Variants in SLX4IP observed in about 807,000 individuals in gnomAD.
SLX4IP encodes protein SLX4IP.
SLX4IP carries 34 observed loss-of-function variants against 32.9 expected under a neutral mutation model. The ratio of observed to expected loss-of-function variants is 1.03; its 90% CI spans 0.79 to 1.38. The LOEUF (loss-of-function observed/expected upper bound fraction) is 1.38, where lower values mean the gene tolerates loss of function less well. SLX4IP is among the 40% of genes most tolerant of loss of function. The pLI, the probability that SLX4IP is intolerant of heterozygous loss-of-function variation, is 0.00. For synonymous variants in SLX4IP, 172 were observed against 171.7 expected, an observed-to-expected ratio of 1.00 and a Z score of -0.01; for missense variants, 444 against 479.0, an observed-to-expected ratio of 0.93 and a Z score of 0.68.
At chr20:10,593,761 G>A (rs552880991) in intron 4 of SLX4IP, among the ~76,000 whole-genome samples, 2 of 152,100 alleles carry the variant, frequency 1.3e-5, no homozygotes, top group African/African-American at 4.8e-5. Context: ...GTAGAATGGG[G>A]TTGTTCTATA....
At position 10,592,823 on chromosome 20, in the gene SLX4IP, A is replaced by G. The variant is rs189629671; in HGVS notation, c.239-5852A>G. ...CTAATTTTTTTATTTTAGTAGAGACAGGGTTTCACCATGTGAGCCAGGATG... is the reference window on the plus strand; with the variant it reads ...CTAATTTTTTTATTTTAGTAGAGACGGGGTTTCACCATGTGAGCCAGGATG... On this transcript the variant is annotated intron_variant, in intron 4 of 7. Coordinates refer to ENST00000334534, the MANE Select transcript of SLX4IP (RefSeq NM_001009608.3). Among the ~76,000 whole-genome samples, 17 of 151,806 alleles carry G rather than the reference A, an allele frequency of 1.1e-4. No individual in the cohort carries two copies. The East Asian group carries it at 1.6e-3, about 14-fold the overall frequency.
At chr20:10,470,226 AT>A (rs1225764315) in intron 2 of SLX4IP, among the ~76,000 whole-genome samples, 2 of 152,048 alleles carry the variant, frequency 1.3e-5, no homozygotes, top group African/African-American at 4.8e-5. Flanking sequence ...CCTTTTTGTT[AT>A]TATTACTCTT....
chr20:10,451,056 TA>T, intron 1 of SLX4IP, among the ~76,000 whole-genome samples: 1 of 141,582 alleles, frequency 7.1e-6, no homozygotes, highest in Admixed American at 7.4e-5. Flanking sequence ...CCGGCAGGCC[TA>T]GTGTTTTTGT....
At chr20:10,463,899 G>T (rs960363074) in intron 2 of SLX4IP, among the ~76,000 whole-genome samples, 3 of 152,144 alleles carry the variant, frequency 2.0e-5, no homozygotes, top group African/African-American at 7.2e-5. Context: ...CTCCTGCATG[G>T]TTCAGCTTTG....
Position 10,448,344 on chromosome 20 carries a change from G to A in SLX4IP, c.-29-9832G>A, listed in dbSNP as rs112088646. ...AGGTTTAGAAATGGAATAGACTATA[G>A]TGGTCAACCTTTCCAACTCCACTGT... is the stretch of plus-strand genomic sequence containing the variant. On this transcript the variant is annotated intron_variant, in intron 1 of 7. Coordinates refer to ENST00000334534, the MANE Select transcript of SLX4IP (RefSeq NM_001009608.3). Among the ~76,000 whole-genome samples, 728 of 152,298 alleles carry A rather than the reference G, an allele frequency of 4.8e-3. 16 individuals are homozygous for A. In the South Asian group the frequency reaches 0.069, roughly 14 times the overall value.
chr20:10,439,808 A>G (rs2065145542), intron 1 of SLX4IP, among the ~76,000 whole-genome samples: 1 of 152,234 alleles, frequency 6.6e-6, no homozygotes, highest in Admixed American at 6.5e-5. Flanking sequence ...GAAGAAACCT[A>G]TTTATTAGGT....
At chr20:10,457,840 C>CTT (rs111482953) in intron 1 of SLX4IP, among the ~76,000 whole-genome samples, 5 of 145,360 alleles carry the variant, frequency 3.4e-5, no homozygotes, top group African/African-American at 1.0e-4. Flanking sequence ...GCTTTTCTCT[C>CTT]TTTTTTTTTT....
intron 2 of SLX4IP, among the ~76,000 whole-genome samples, chr20:10,483,451 AT>A (rs1381835207): frequency 6.6e-6 from 1 of 152,158 alleles, no homozygotes; most frequent in Non-Finnish European, 1.5e-5. Flanking sequence ...TTAGTATGGG[AT>A]GAGTTAGTTT....
intron 4 of SLX4IP, among the ~76,000 whole-genome samples, chr20:10,572,310 T>C (rs529624403): frequency 3.3e-5 from 5 of 152,286 alleles, no homozygotes; most frequent in Admixed American, 3.3e-4. Flanking sequence ...TTAAGGAGAG[T>C]ATTGTATGTT....
intron 2 of SLX4IP, among the ~76,000 whole-genome samples, chr20:10,512,449 C>T (rs1441953320): frequency 6.6e-6 from 1 of 151,040 alleles, no homozygotes; most frequent in African/African-American, 2.4e-5. Context: ...TTTGCTCTGT[C>T]AACCAGGCTG....
At chr20:10,446,034 A>G (rs551862818) in intron 1 of SLX4IP, among the ~76,000 whole-genome samples, 3 of 150,258 alleles carry the variant, frequency 2.0e-5, no homozygotes, top group Non-Finnish European at 4.4e-5. Flanking sequence ...GTAATATGCC[A>G]GGGTATAAAG....
At chr20:10,490,197 T>TTA (rs2065610745) in intron 2 of SLX4IP, among the ~76,000 whole-genome samples, 1 of 151,942 alleles carries the variant, frequency 6.6e-6, no homozygotes, top group Non-Finnish European at 1.5e-5. Context: ...AAATTTCTTT[T>TTA]TTTTTTAGAC....
intron 2 of SLX4IP, among the ~76,000 whole-genome samples, chr20:10,481,926 A>G (rs1485677654): frequency 6.6e-6 from 1 of 152,208 alleles, no homozygotes; most frequent in East Asian, 1.9e-4. Context: ...CCTCTCCATA[A>G]GGCAACTCAC....
chr20:10,502,410 A>T (rs1213732440), intron 2 of SLX4IP, among the ~76,000 whole-genome samples: 3 of 152,146 alleles, frequency 2.0e-5, no homozygotes, highest in African/African-American at 7.2e-5. Context: ...AGGCCATCTT[A>T]TGTAGAGGCA....
At chr20:10,612,055 C>T (rs917650119) in intron 6 of SLX4IP, among the ~76,000 whole-genome samples, 2 of 152,180 alleles carry the variant, frequency 1.3e-5, no homozygotes, top group African/African-American at 2.4e-5. Context: ...AGTGACAATA[C>T]CTGCCCTGAT....
At chr20:10,451,379 T>C (rs1393446639) in intron 1 of SLX4IP, among the ~76,000 whole-genome samples, 2 of 151,972 alleles carry the variant, frequency 1.3e-5, no homozygotes, top group African/African-American at 4.8e-5. Context: ...CAGGCTGGTC[T>C]CGAACTTTGA....
intron 2 of SLX4IP, among the ~76,000 whole-genome samples, chr20:10,462,847 A>C (rs1291079878): frequency 6.6e-6 from 1 of 152,244 alleles, no homozygotes; most frequent in African/African-American, 2.4e-5. Context: ...GCACTCCTGT[A>C]ACAAAAGAAT....
chr20:10,530,757 A>G (rs925855109), intron 2 of SLX4IP, among the ~76,000 whole-genome samples: 1 of 152,186 alleles, frequency 6.6e-6, no homozygotes, highest in African/African-American at 2.4e-5. Flanking sequence ...TAATTTTGCT[A>G]TTGAAACAAA....
chr20:10,552,408 C>G, intron 2 of SLX4IP, among the ~76,000 whole-genome samples: 1 of 142,528 alleles, frequency 7.0e-6, no homozygotes, highest in Admixed American at 7.0e-5. Flanking sequence ...TTTTTTTTTT[C>G]TTTTTTTTTT....
Sources: gnomAD v4.1 joint callset for allele counts (sites outside exome capture counted in the v4.1 genomes callset) on GRCh38, gnomAD v4.1.1 for gene constraint, MANE v1.5 for transcripts, NCBI Gene and HGNC (gene_info 2026-07-23, HGNC 2026-07-21) for gene names.